Variants in L3MBTL4 observed in about 807,000 individuals in gnomAD.
The protein encoded by L3MBTL4 is lethal(3)malignant brain tumor-like protein 4.
Under a neutral mutation model 84.5 loss-of-function variants are expected in L3MBTL4, and 70 were observed. That is an observed-to-expected ratio of 0.83 (90% CI 0.68 to 1.01). The LOEUF (loss-of-function observed/expected upper bound fraction) is 1.01, where lower values mean the gene tolerates loss of function less well. L3MBTL4 is among the 50% of genes least tolerant of loss of function. The pLI is 0.00. For missense variants in L3MBTL4, 715 were observed against 754.8 expected, an observed-to-expected ratio of 0.95 and a Z score of 0.62; for synonymous variants, 274 against 259.8, an observed-to-expected ratio of 1.05 and a Z score of -0.52.
rs190949798 is a variant in L3MBTL4, at chr18:6,382,930, G to T, written c.-91+31871C>A. On this transcript the variant is annotated intron_variant, in intron 1 of 18. Coordinates refer to ENST00000317931, the MANE Select transcript of L3MBTL4 (RefSeq NM_001330559.2). The stretch of plus-strand genomic sequence containing the variant: ...GCACCCACAGCTGCCCCTTCCCCCA[G>T]GTGCTCTGTCCCAGGGAGATGGGGA... Among the ~76,000 whole-genome samples, 12 of 152,272 alleles carry T rather than the reference G, an allele frequency of 7.9e-5. No homozygotes were observed. In the East Asian group the frequency reaches 2.3e-3, roughly 30 times the overall value.
At chr18:6,341,463 G>A (rs2143508154) in intron 1 of L3MBTL4, among the ~76,000 whole-genome samples, 1 of 152,046 alleles carries the variant, frequency 6.6e-6, no homozygotes, top group South Asian at 2.1e-4. Flanking sequence ...CATAAATTCT[G>A]GAAATGAAGA....
intron 1 of L3MBTL4, among the ~76,000 whole-genome samples, chr18:6,388,459 T>C (rs2054913234): frequency 6.6e-6 from 1 of 152,176 alleles, no homozygotes; most frequent in South Asian, 2.1e-4. Flanking sequence ...CATAAAATAT[T>C]AGCAGCCTTT....
intron 1 of L3MBTL4, among the ~76,000 whole-genome samples, chr18:6,349,334 A>G (rs554592884): frequency 6.6e-6 from 1 of 152,366 alleles, no homozygotes; most frequent in South Asian, 2.1e-4. Flanking sequence ...GTGTATTCAT[A>G]CAATAAAATA....
intron 1 of L3MBTL4, among the ~76,000 whole-genome samples, chr18:6,324,841 G>A (rs919597746): frequency 6.6e-6 from 1 of 151,652 alleles, no homozygotes; most frequent in Non-Finnish European, 1.5e-5. Flanking sequence ...ATAGCAGACA[G>A]AACAATCTAC....
At chr18:6,016,047 T>A (rs1038872370) in intron 16 of L3MBTL4, among the ~76,000 whole-genome samples, 7 of 152,182 alleles carry the variant, frequency 4.6e-5, no homozygotes, top group African/African-American at 1.7e-4. Flanking sequence ...AACGCTTGGC[T>A]GGATGGTCAG....
intron 12 of L3MBTL4, among the ~76,000 whole-genome samples, chr18:6,176,604 A>G (rs1205398338): frequency 6.6e-6 from 1 of 152,198 alleles, no homozygotes; most frequent in Non-Finnish European, 1.5e-5. Context: ...ACAAAACCCA[A>G]GAAGAAAACT....
chr18:6,159,557 T>A (rs775820483), intron 13 of L3MBTL4, among the ~76,000 whole-genome samples: 1 of 152,226 alleles, frequency 6.6e-6, no homozygotes, highest in Non-Finnish European at 1.5e-5. Context: ...AGCGAGCAGC[T>A]TTGTTCTTCT....
At chr18:6,186,003 T>A (rs1396921798) in intron 12 of L3MBTL4, among the ~76,000 whole-genome samples, 1 of 146,904 alleles carries the variant, frequency 6.8e-6, no homozygotes, top group African/African-American at 2.6e-5. Context: ...TATTATTTTA[T>A]ATTTTATTTT....
At chr18:6,324,034 C>T (rs2051577424) in intron 1 of L3MBTL4, among the ~76,000 whole-genome samples, 1 of 152,240 alleles carries the variant, frequency 6.6e-6, no homozygotes, top group Admixed American at 6.5e-5. Flanking sequence ...CCCAGCCACT[C>T]CAGCTCCAGC....
intron 1 of L3MBTL4, among the ~76,000 whole-genome samples, chr18:6,339,541 G>C (rs1296425611): frequency 3.3e-5 from 5 of 151,658 alleles, no homozygotes; most frequent in Non-Finnish European, 7.4e-5. Flanking sequence ...TCATGAGCTA[G>C]AAAAGGAACA....
intron 16 of L3MBTL4, among the ~76,000 whole-genome samples, chr18:6,051,920 C>G (rs1276503255): frequency 6.6e-6 from 1 of 152,196 alleles, no homozygotes; most frequent in Non-Finnish European, 1.5e-5. Flanking sequence ...GGGGCTGGAA[C>G]AGATATCACA....
chr18:6,064,598 G>GTTTT (rs143605097), intron 16 of L3MBTL4, among the ~76,000 whole-genome samples: 2 of 140,782 alleles, frequency 1.4e-5, no homozygotes, highest in African/African-American at 2.6e-5. Context: ...ATATTCCTAG[G>GTTTT]TTTTTTTTTT....
intron 13 of L3MBTL4, among the ~76,000 whole-genome samples, chr18:6,153,508 T>C (rs2042977239): frequency 6.6e-6 from 1 of 152,196 alleles, no homozygotes; most frequent in South Asian, 2.1e-4. Flanking sequence ...TCATTGTTAG[T>C]GTATAAAGAC....
chr18:6,111,639 C>T (rs148789987), intron 14 of L3MBTL4, among the ~76,000 whole-genome samples: 303 of 152,228 alleles, frequency 2.0e-3, no homozygotes, highest in African/African-American at 6.9e-3. Flanking sequence ...GTCTCTCCAG[C>T]GTGTGAACGA....
In L3MBTL4 at chr18:6,297,653, TTGTC is replaced by T. The variant is rs766114609; in HGVS notation, c.127+4246_127+4249del. On this transcript the variant is annotated intron_variant, in intron 4 of 18. Coordinates refer to ENST00000317931, the MANE Select transcript of L3MBTL4 (RefSeq NM_001330559.2). ...TTCTGAATTTATTTTTAAATAATGT[TTGTC>T]TGATTACAACATGATTAAATACTAC... 2.0e-5 allele frequency among the ~76,000 whole-genome samples: 3 copies of T among 152,372 alleles called. No homozygotes were observed. In the East Asian group the frequency reaches 5.8e-4, roughly 29 times the overall value.
chr18:6,210,381 G>A (rs1421081287), intron 12 of L3MBTL4, among the ~76,000 whole-genome samples: 2 of 152,182 alleles, frequency 1.3e-5, no homozygotes, highest in South Asian at 2.1e-4. Flanking sequence ...CCACTAGGAA[G>A]TGAGTTATTT....
intron 1 of L3MBTL4, among the ~76,000 whole-genome samples, chr18:6,403,030 G>A (rs956630201): frequency 6.6e-6 from 1 of 152,158 alleles, no homozygotes; most frequent in Non-Finnish European, 1.5e-5. Flanking sequence ...AAATATGTGT[G>A]GGGTTTCCTG....
At chr18:6,121,685 C>CGTGTGTGTGTGTGTGTGTGT (rs762077935) in intron 14 of L3MBTL4, among the ~76,000 whole-genome samples, 2 of 142,834 alleles carry the variant, frequency 1.4e-5, no homozygotes, top group African/African-American at 2.6e-5. Flanking sequence ...ATTGTTTCCC[C>CGTGTGTGTGTGTGTGTGTGT]GTGTGTGTGT....
chr18:6,146,598 C>T (rs893474836), intron 13 of L3MBTL4, among the ~76,000 whole-genome samples: 21 of 151,814 alleles, frequency 1.4e-4, no homozygotes, highest in African/African-American at 4.8e-4. Context: ...TGGAGGTTCA[C>T]GGGAAAGTGG....
Sources: allele counts gnomAD v4.1 joint callset (sites outside exome capture counted in the v4.1 genomes callset), GRCh38; gene constraint gnomAD v4.1.1; transcripts MANE v1.5; gene names NCBI Gene and HGNC (gene_info 2026-07-23, HGNC 2026-07-21).